KLKB1: variants seen among roughly 807,000 people sequenced by gnomAD.
KLKB1 encodes kallikrein B1.
In KLKB1, 58 loss-of-function variants were observed where a neutral mutation model predicts 73.6. The ratio of observed to expected loss-of-function variants is 0.79; its 90% confidence interval spans 0.64 to 0.98. The LOEUF (loss-of-function observed/expected upper bound fraction) is 0.98. Among genes scored for constraint, KLKB1 ranks in the 50% least tolerant of loss-of-function variants. KLKB1 has a pLI of 0.00. For missense variants in KLKB1, 737 were observed against 763.8 expected, an observed-to-expected ratio of 0.96 and a Z score of 0.41; for synonymous variants, 280 against 258.1, an observed-to-expected ratio of 1.08 and a Z score of -0.81.
chr4:186,240,056 ATTG>A (rs1222200322), intron 6 of KLKB1, among the ~76,000 whole-genome samples: 1 of 151,022 alleles, frequency 6.6e-6, no homozygotes, highest in Non-Finnish European at 1.5e-5. Flanking sequence ...GGACAGTGAT[ATTG>A]TTATAGTTAT....
intron 6 of KLKB1, among the ~76,000 whole-genome samples, chr4:186,245,889 C>T (rs1484293186): frequency 6.8e-6 from 1 of 146,658 alleles, no homozygotes; most frequent in Non-Finnish European, 1.5e-5. Context: ...AAGAGGCCTT[C>T]TGACCCTTCT....
chr4:186,244,886 G>A (rs1738247272), intron 6 of KLKB1, among the ~76,000 whole-genome samples: 1 of 152,132 alleles, frequency 6.6e-6, no homozygotes, highest in Admixed American at 6.6e-5. Context: ...AGTGTGATTA[G>A]GTTTTAATGG....
chr4:186,222,448 G>T (rs1737052502), upstream of KLKB1, among the ~76,000 whole-genome samples: 1 of 151,924 alleles, frequency 6.6e-6, no homozygotes, highest in Non-Finnish European at 1.5e-5. Context: ...TTTCTTTGTG[G>T]TTATCATGAG....
At chr4:186,256,187 A>AAAC in intron 13 of KLKB1, 100 bp downstream of exon 13, 1 of 747,284 alleles carries the variant, frequency 1.3e-6, no homozygotes, top group South Asian at 1.5e-5. Context: ...AATTATATCT[A>AAAC]AACTCTTTAT....
intron 2 of KLKB1, among the ~76,000 whole-genome samples, chr4:186,220,799 T>C (rs1737017365): frequency 6.6e-6 from 1 of 152,242 alleles, no homozygotes; most frequent in Non-Finnish European, 1.5e-5. Flanking sequence ...CTTGTTTGGC[T>C]CTGCTATCAA....
intron 6 of KLKB1, 91 bp from the exon 7 acceptor site, chr4:186,250,152 G>C: frequency 1.7e-6 from 2 of 1,176,518 alleles, no homozygotes; most frequent in Admixed American, 3.4e-5. Flanking sequence ...ATAATAAATA[G>C]TCACAATTTC....
rs1298826323 is a variant in KLKB1 at position 186,249,858 on chromosome 4, ACTT to A, written c.599-381_599-379del. Among the ~76,000 whole-genome samples, 3 of 152,168 alleles carry A rather than the reference ACTT, an allele frequency of 2.0e-5. No homozygotes were observed. The East Asian group carries it at 5.8e-4, about 29-fold the overall frequency. On this transcript the variant is annotated intron_variant, in intron 6 of 14. Coordinates refer to ENST00000264690, the MANE Select transcript of KLKB1 (RefSeq NM_000892.5). ...TAGGCACAAGGCATTTTTGTTAATC[ACTT>A]CTTATTAAAGAATTTTTTATAATAT...
chr4:186,215,675 G>T (rs576978068), intron 2 of KLKB1, among the ~76,000 whole-genome samples: 1 of 152,230 alleles, frequency 6.6e-6, no homozygotes, highest in East Asian at 1.9e-4. Flanking sequence ...CTGCGCTCAA[G>T]GGATCATCCC....
In KLKB1 at chr4:186,228,167, CAG is replaced by C. The variant is rs1224914414; in HGVS notation, c.-1-25_-1-24del. On this transcript the variant is annotated intron_variant, in intron 1 of 14. Coordinates refer to ENST00000264690, the MANE Select transcript of KLKB1 (RefSeq NM_000892.5). ...TATGTTAAATGTGGTCTAAAACCAG[CAG>C]AGTTATGTATTGTTTTCTTTTTTAG... 4.7e-6 allele frequency: 6 copies of C among 1,272,012 alleles called. No individual in the cohort carries two copies. The Middle Eastern group carries it at 5.5e-4, about 117-fold the overall frequency. The allele number at this position is 1,272,012 out of a possible 1,614,324, so 78.8% of individuals were successfully genotyped here. A position where few individuals can be genotyped will look rare whatever the true frequency, so the allele number is the denominator to read the frequency against.
At chr4:186,254,052 C>T (rs1436377545) in intron 11 of KLKB1, among the ~76,000 whole-genome samples, 4 of 152,138 alleles carry the variant, frequency 2.6e-5, no homozygotes, top group African/African-American at 7.2e-5. Flanking sequence ...AGGCTGGTCT[C>T]GAACTCCTGG....
chr4:186,234,981 A>C (rs992026905), intron 4 of KLKB1, among the ~76,000 whole-genome samples: 1 of 152,210 alleles, frequency 6.6e-6, no homozygotes, highest in Admixed American at 6.5e-5. Context: ...CAAATTTCAG[A>C]TGTTTTTAAA....
At chr4:186,251,461 T>C (rs760460828) in intron 8 of KLKB1, 26 bp from the exon 9 acceptor site, 3 of 1,609,628 alleles carry the variant, frequency 1.9e-6, no homozygotes, top group Non-Finnish European at 2.6e-6. Context: ...CCATCTGATA[T>C]CTTTTTGTGT....
chr4:186,216,489 G>A (rs1054878131), intron 2 of KLKB1, among the ~76,000 whole-genome samples: 3 of 152,178 alleles, frequency 2.0e-5, no homozygotes, highest in African/African-American at 4.8e-5. Context: ...TTTCAGATGA[G>A]ATGCTTGCTG....
chr4:186,245,530 C>T (rs1027491681), intron 6 of KLKB1, among the ~76,000 whole-genome samples: 20 of 152,272 alleles, frequency 1.3e-4, no homozygotes, highest in African/African-American at 3.6e-4. Context: ...TCCCAGGCTG[C>T]GGGCATTCCT....
At chr4:186,253,895 G>C (rs1008955473) in intron 11 of KLKB1, among the ~76,000 whole-genome samples, 1 of 151,786 alleles carries the variant, frequency 6.6e-6, no homozygotes, top group Non-Finnish European at 1.5e-5. Context: ...GAGTGCAGTG[G>C]CACAATCTTG....
intron 2 of KLKB1, among the ~76,000 whole-genome samples, chr4:186,231,324 T>C (rs1737390324): frequency 6.6e-6 from 1 of 152,216 alleles, no homozygotes; most frequent in Non-Finnish European, 1.5e-5. Flanking sequence ...AAGACAGTCT[T>C]TCCCGGTAAA....
upstream of KLKB1, among the ~76,000 whole-genome samples, chr4:186,225,193 G>A (rs1737127149): frequency 6.6e-6 from 1 of 152,092 alleles, no homozygotes; most frequent in Admixed American, 6.5e-5. Flanking sequence ...ATACATCTGG[G>A]AAATTCTTTT....
intron 11 of KLKB1, among the ~76,000 whole-genome samples, chr4:186,252,674 A>C (rs143566947): frequency 1.6e-5 from 2 of 127,072 alleles, no homozygotes; most frequent in Non-Finnish European, 3.3e-5. Context: ...CAATCCCACC[A>C]CCTACCCCAC....
At chr4:186,250,136 C>T (rs906162357) in intron 6 of KLKB1, 107 bp from the exon 7 acceptor site, 2 of 1,091,106 alleles carry the variant, frequency 1.8e-6, no homozygotes, top group Non-Finnish European at 2.8e-6. Context: ...ATGTTTAGTA[C>T]TATGAATAAT....
Sources: gnomAD v4.1 joint callset for allele counts (sites outside exome capture counted in the v4.1 genomes callset) on GRCh38, gnomAD v4.1.1 for gene constraint, MANE v1.5 for transcripts, NCBI Gene and HGNC (gene_info 2026-07-23, HGNC 2026-07-21) for gene names.